Variants in ARMC3 observed in about 807,000 individuals in gnomAD.
ARMC3 encodes the protein armadillo repeat containing 3.
A neutral mutation model predicts 90.3 loss-of-function variants in ARMC3; 74 were observed. The ratio of observed to expected loss-of-function variants is 0.82; its 90% CI spans 0.68 to 0.99. The LOEUF (loss-of-function observed/expected upper bound fraction) is 0.99, where lower values mean the gene tolerates loss of function less well. Ranked by LOEUF, ARMC3 falls within the 50% of genes least tolerant of loss-of-function variation. The pLI is 0.00. For synonymous variants in ARMC3, 334 were observed against 361.8 expected (o/e 0.92, Z 0.87); for missense variants, 958 against 1,042.8 (o/e 0.92, Z 1.12).
chr10:22,957,965 G>A lies in ARMC3; in HGVS notation c.293-1105G>A, dbSNP rs150440295. Among the ~76,000 whole-genome samples, 262 of 152,310 alleles carry A rather than the reference G, an allele frequency of 1.7e-3. 1 individual carries two copies. Among genetic ancestry groups the A allele is most frequent in the Non-Finnish European group, 2.8e-3 (191 of 68,020 alleles). On this transcript the variant is annotated intron_variant, in intron 4 of 18. Coordinates refer to ENST00000298032, the MANE Select transcript of ARMC3 (RefSeq NM_173081.5). ...TAATCCCAGCACTTTGGGAGGCTGAGGTGGGAGGATTGCTTGAGCTCAGGA... is the reference window on the plus strand; with the variant it reads ...TAATCCCAGCACTTTGGGAGGCTGAAGTGGGAGGATTGCTTGAGCTCAGGA...
chr10:22,963,887 T>TCACA (rs1218675914), intron 7 of ARMC3, among the ~76,000 whole-genome samples: 111 of 33,820 alleles, frequency 3.3e-3, no homozygotes, highest in East Asian at 4.7e-3. Flanking sequence ...AGACTCTGTC[T>TCACA]CACACACACA....
intron 18 of ARMC3, 119 bp downstream of exon 18, chr10:23,033,142 T>C: frequency 2.1e-6 from 2 of 956,400 alleles, no homozygotes; most frequent in Non-Finnish European, 3.1e-6. Flanking sequence ...TTTAGATTTA[T>C]TTATATCTAC....
At chr10:22,991,271 A>G (rs984042503) in intron 10 of ARMC3, among the ~76,000 whole-genome samples, 1 of 152,120 alleles carries the variant, frequency 6.6e-6, no homozygotes, top group African/African-American at 2.4e-5. Flanking sequence ...AAATGAATCT[A>G]TATAATCTAC....
chr10:23,010,657 CTCT>C, intron 16 of ARMC3, among the ~76,000 whole-genome samples: 1 of 137,458 alleles, frequency 7.3e-6, no homozygotes, highest in Non-Finnish European at 1.6e-5. Flanking sequence ...CTTTCCTCTC[CTCT>C]CCTCTCCTTC....
chr10:22,947,181 C>A (rs572356358), intron 3 of ARMC3, among the ~76,000 whole-genome samples: 1 of 151,938 alleles, frequency 6.6e-6, no homozygotes, highest in African/African-American at 2.4e-5. Flanking sequence ...TGGCACATGT[C>A]TGTAGTCCCA....
chr10:22,942,279 C>T (rs1441073605), intron 2 of ARMC3, among the ~76,000 whole-genome samples: 1 of 152,138 alleles, frequency 6.6e-6, no homozygotes, highest in Non-Finnish European at 1.5e-5. Context: ...CCAAGAACCC[C>T]TCAGAGCCTG....
At chr10:22,929,422 A>C (rs1270521921) in intron 1 of ARMC3, among the ~76,000 whole-genome samples, 2 of 152,182 alleles carry the variant, frequency 1.3e-5, no homozygotes, top group Non-Finnish European at 1.5e-5. Flanking sequence ...TTGTTTTCCA[A>C]ATTCTCCACA....
At chr10:22,968,191 C>A in intron 7 of ARMC3, 115 bp from the exon 8 acceptor site, 1 of 956,792 alleles carries the variant, frequency 1.0e-6, no homozygotes, top group Non-Finnish European at 1.6e-6. Flanking sequence ...GGGCCTCTGT[C>A]ACAACAAAAA....
intron 16 of ARMC3, among the ~76,000 whole-genome samples, chr10:23,022,416 G>C (rs1477994780): frequency 4.6e-5 from 7 of 152,110 alleles, no homozygotes; most frequent in Admixed American, 1.3e-4. Flanking sequence ...TATTAACCCT[G>C]GAAATAATGC....
chr10:23,035,797 C>T (rs1461883461), intron 18 of ARMC3, among the ~76,000 whole-genome samples: 1 of 152,104 alleles, frequency 6.6e-6, no homozygotes, highest in Non-Finnish European at 1.5e-5. Context: ...CTCCTAGTGG[C>T]AGGCTTTTTC....
intron 11 of ARMC3, among the ~76,000 whole-genome samples, chr10:22,999,104 A>T (rs4748831): frequency 0.86 from 130,846 of 152,248 alleles, 56,551 homozygotes; most frequent in Non-Finnish European, 0.88. Context: ...TTTTACTAGG[A>T]CTCTTTAAAT....
intron 3 of ARMC3, among the ~76,000 whole-genome samples, chr10:22,952,886 A>G (rs946073901): frequency 2.0e-4 from 31 of 152,280 alleles, no homozygotes; most frequent in African/African-American, 7.2e-4. Context: ...AAATTAATCA[A>G]GGTATTTTAC....
At chr10:22,956,478 C>T (rs995332332) in intron 4 of ARMC3, among the ~76,000 whole-genome samples, 5 of 152,036 alleles carry the variant, frequency 3.3e-5, no homozygotes, top group Admixed American at 6.5e-5. Flanking sequence ...TGGCAGGTGC[C>T]TGTAATCCCA....
intron 10 of ARMC3, among the ~76,000 whole-genome samples, chr10:22,983,620 T>C (rs1241747148): frequency 6.6e-6 from 1 of 152,228 alleles, no homozygotes; most frequent in East Asian, 1.9e-4. Flanking sequence ...TTGAGGTCTA[T>C]ATAATTTTTA....
At chr10:22,998,722 T>C (rs1258645938) in intron 11 of ARMC3, among the ~76,000 whole-genome samples, 6 of 152,168 alleles carry the variant, frequency 3.9e-5, no homozygotes, top group African/African-American at 1.4e-4. Flanking sequence ...AGAAAATAGA[T>C]AATGCATCGT....
intron 16 of ARMC3, among the ~76,000 whole-genome samples, chr10:23,010,034 T>C (rs982114533): frequency 2.6e-5 from 4 of 152,086 alleles, no homozygotes; most frequent in Non-Finnish European, 4.4e-5. Flanking sequence ...TCTGGCTTTC[T>C]TCTCTGTTGT....
chr10:23,008,858 G>T lies in ARMC3; in HGVS notation c.1972G>T (p.Glu658Ter). ...HFSAGFGSPIEDKSEPASGRN... is the reference protein window; with the variant it reads ...HFSAGFGSPI ...TAGTGCTGGATTTGGATCTCCCATA[G>T]AAGACAAATCAGAGCCAGCTTCTGG... Residue 658 changes from glutamate to a stop codon, truncating the protein, a stop_gained, in exon 16 of 19, where the codon GAA becomes TAA. Transcript: ENST00000298032. LOFTEE classifies it high-confidence loss of function. 1 of 1,613,796 alleles carries T rather than the reference G, an allele frequency of 6.2e-7. No homozygotes were observed. The highest frequency in any genetic ancestry group is 1.1e-5 in the South Asian group (1 of 91,024).
At chr10:23,005,826 T>C (rs1223235225) in intron 13 of ARMC3, among the ~76,000 whole-genome samples, 1 of 151,778 alleles carries the variant, frequency 6.6e-6, no homozygotes, top group Non-Finnish European at 1.5e-5. Context: ...ATGGCACCAT[T>C]GTACTCCAGC....
At chr10:23,028,184 G>T (rs1000625340) in intron 16 of ARMC3, among the ~76,000 whole-genome samples, 13 of 152,008 alleles carry the variant, frequency 8.6e-5, no homozygotes, top group African/African-American at 2.9e-4. Context: ...TTTTGTTCTG[G>T]GTGTTGTTCA....
Sources: gnomAD v4.1 joint callset for allele counts (sites outside exome capture counted in the v4.1 genomes callset) on GRCh38, gnomAD v4.1.1 for gene constraint, MANE v1.5 for transcripts, NCBI Gene and HGNC (gene_info 2026-07-23, HGNC 2026-07-21) for gene names.